CSMD1: variants seen among roughly 807,000 people sequenced by gnomAD.
CSMD1 encodes the protein CUB and Sushi multiple domains 1.
In CSMD1, 213 loss-of-function variants were observed where a neutral mutation model predicts 417.5. The observed-to-expected ratio is 0.51, with a 90% confidence interval of 0.46 to 0.57. The LOEUF is 0.57. Ranked by LOEUF, CSMD1 falls within the 20% of genes least tolerant of loss-of-function variation. The pLI is 0.00. For missense variants in CSMD1, 6,923 were observed against 4,529.7 expected (o/e 1.53, Z -15.17); for synonymous variants, 2,862 against 1,736.8 (o/e 1.65, Z -16.11).
chr8:3,355,013 T>C (rs773583859), intron 21 of CSMD1, among the ~76,000 whole-genome samples: 1 of 109,712 alleles, frequency 9.1e-6, no homozygotes, highest in Admixed American at 8.8e-5. Flanking sequence ...TAAATTAAAA[T>C]ACAGGCAAGA....
At chr8:3,991,863 A>G (rs1292338423) in intron 5 of CSMD1, among the ~76,000 whole-genome samples, 1 of 152,114 alleles carries the variant, frequency 6.6e-6, no homozygotes, top group Non-Finnish European at 1.5e-5. Context: ...TTTGAAGCCT[A>G]TTTTTCTCAT....
At chr8:4,388,902 C>G (rs1803652534) in intron 3 of CSMD1, among the ~76,000 whole-genome samples, 2 of 152,108 alleles carry the variant, frequency 1.3e-5, no homozygotes, top group African/African-American at 2.4e-5. Flanking sequence ...TTCTCTCATC[C>G]AGCTATTTGT....
At chr8:4,973,476 G>C (rs778570145) in intron 1 of CSMD1, among the ~76,000 whole-genome samples, 3 of 151,960 alleles carry the variant, frequency 2.0e-5, no homozygotes, top group Non-Finnish European at 4.4e-5. Flanking sequence ...ATTTTCATTT[G>C]ATAAAATAAA....
At chr8:4,768,781 C>T (rs1234109315) in intron 1 of CSMD1, among the ~76,000 whole-genome samples, 2 of 152,048 alleles carry the variant, frequency 1.3e-5, no homozygotes, top group African/African-American at 2.4e-5. Flanking sequence ...ATAGGCACAT[C>T]TTATGGGAAG....
chr8:4,230,196 G>T (rs1019190893), intron 3 of CSMD1, among the ~76,000 whole-genome samples: 3 of 152,130 alleles, frequency 2.0e-5, no homozygotes, highest in Non-Finnish European at 2.9e-5. Context: ...ATTATCTTAA[G>T]ATCTAGAGTT....
At chr8:4,211,155 T>C (rs534704640) in intron 3 of CSMD1, among the ~76,000 whole-genome samples, 127 of 152,254 alleles carry the variant, frequency 8.3e-4, no homozygotes, top group African/African-American at 2.9e-3. Flanking sequence ...CTAAATAATT[T>C]ATCCAGGAAA....
chr8:4,410,437 C>T (rs573047263), intron 3 of CSMD1, among the ~76,000 whole-genome samples: 91 of 152,236 alleles, frequency 6.0e-4, no homozygotes, highest in African/African-American at 1.9e-3. Context: ...GCATTTCTAG[C>T]GTCCAGATAG....
chr8:2,963,289 G>C lies in CSMD1; in HGVS notation c.9387C>G (p.Leu3129=), dbSNP rs372880190. 3.1e-6 allele frequency: 5 copies of C among 1,613,838 alleles called. No homozygotes were observed. In the African/African-American group the frequency reaches 4.0e-5, roughly 13 times the overall value. The part of the protein sequence containing the change: ...ISYSCMDGYQ[L]SHSAILSCEG... ...CACAGGAGAGGATGGCGGAGTGAGA[G>C]AGCTGGTAACCGTCCATGCAGCTGT... Residue 3129 remains leucine, a synonymous_variant, in exon 60 of 70, where the codon CTC becomes CTG. Coordinates refer to ENST00000635120, the MANE Select transcript of CSMD1 (RefSeq NM_033225.6).
chr8:3,536,264 T>C lies in CSMD1; in HGVS notation c.1344+38681A>G, dbSNP rs562249992. Among the ~76,000 whole-genome samples, 4 of 152,314 alleles carry C rather than the reference T, an allele frequency of 2.6e-5. No homozygotes were observed. In the East Asian group the frequency reaches 7.7e-4, roughly 29 times the overall value. ...TATAAATGAGCTGAGTTAATAAGTT[T>C]GTGTGTATGACAGCAACTTGTACTT... On this transcript the variant is annotated intron_variant, in intron 10 of 69. Transcript: ENST00000635120.
At chr8:4,867,832 CAG>C (rs1356955900) in intron 1 of CSMD1, among the ~76,000 whole-genome samples, 1 of 152,030 alleles carries the variant, frequency 6.6e-6, no homozygotes, top group South Asian at 2.1e-4. Context: ...CAACATTTAA[CAG>C]AGTGTAAATT....
At chr8:4,318,579 A>C (rs1345779365) in intron 3 of CSMD1, among the ~76,000 whole-genome samples, 1 of 152,114 alleles carries the variant, frequency 6.6e-6, no homozygotes, top group Non-Finnish European at 1.5e-5. Context: ...AAGAATAAAA[A>C]ACATGTTGAT....
At chr8:3,773,532 C>T (rs1798732168) in intron 5 of CSMD1, among the ~76,000 whole-genome samples, 2 of 152,132 alleles carry the variant, frequency 1.3e-5, no homozygotes, top group South Asian at 2.1e-4. Flanking sequence ...AGTGATCCTC[C>T]CACCTTGGCC....
chr8:4,151,352 G>C lies in CSMD1; in HGVS notation c.416-119253C>G, dbSNP rs185527468. On this transcript the variant is annotated intron_variant, in intron 3 of 69. Transcript: ENST00000635120. ...AAGAGATAAATCACTTATTTACAGT[G>C]AGACATTAACTACAATTCAGTTTCT... Among the ~76,000 whole-genome samples, 5 of 152,284 alleles carry C rather than the reference G, an allele frequency of 3.3e-5. No homozygotes were observed. The East Asian group carries it at 7.7e-4, about 24-fold the overall frequency.
intron 5 of CSMD1, among the ~76,000 whole-genome samples, chr8:3,811,527 C>T (rs1801077880): frequency 6.6e-6 from 1 of 152,038 alleles, no homozygotes; most frequent in Admixed American, 6.6e-5. Context: ...CCCTGGTGTT[C>T]CTTGACAATG....
At position 4,927,286 on chromosome 8, in the gene CSMD1, G is replaced by A. The variant is rs534732256; in HGVS notation, c.85+67046C>T. 8.6e-5 allele frequency among the ~76,000 whole-genome samples: 13 copies of A among 151,960 alleles called. No homozygotes were observed. In the South Asian group the frequency reaches 1.5e-3, roughly 17 times the overall value. ...TTGGCTAGGCTGGTCTCGAACTCCC[G>A]TCCTCAAGCGATCTGCCAGCCTCAG... On this transcript the variant is annotated intron_variant, in intron 1 of 69. Coordinates refer to ENST00000635120, the MANE Select transcript of CSMD1 (RefSeq NM_033225.6).
At chr8:2,997,989 C>G (rs201909915) in intron 54 of CSMD1, 22 bp downstream of exon 54, 90 of 1,607,532 alleles carry the variant, frequency 5.6e-5, no homozygotes, top group Non-Finnish European at 7.3e-5. Flanking sequence ...GCAAAGGGCT[C>G]ATTCCTGGAT....
chr8:3,366,956 ACC>A lies in CSMD1; in HGVS notation c.3115+74_3115+75del, dbSNP rs1809614398. On this transcript the variant is annotated intron_variant, in intron 20 of 69. Coordinates refer to ENST00000635120, the MANE Select transcript of CSMD1 (RefSeq NM_033225.6). ...ATGCACACATTACACACACACACAC[ACC>A]CACACACATTCTCACTAACAGAAAT... is the stretch of plus-strand genomic sequence containing the variant. 9.9e-6 allele frequency: 11 copies of A among 1,112,236 alleles called. No individual in the cohort carries two copies. The South Asian group carries it at 1.1e-4, about 11-fold the overall frequency. 68.9% of individuals were successfully genotyped at this position (1,112,236 alleles called of 1,614,324 possible).
intron 37 of CSMD1, among the ~76,000 whole-genome samples, chr8:3,174,295 A>T (rs1409776554): frequency 2.0e-5 from 3 of 152,198 alleles, no homozygotes; most frequent in Non-Finnish European, 2.9e-5. Flanking sequence ...GGAGTTGGAG[A>T]CTAGCCTGGG....
rs76761472 is a variant in CSMD1, at chr8:4,693,606, C to T, written c.86-56048G>A. Reference sequence around the variant, plus strand: ...GCAGAGTGGTATTGAGGTAAAACAACGGGATTTTTCTCCTTCCATTTTTTC... The same window carrying T: ...GCAGAGTGGTATTGAGGTAAAACAATGGGATTTTTCTCCTTCCATTTTTTC... On this transcript the variant is annotated intron_variant, in intron 1 of 69. Coordinates refer to ENST00000635120, the MANE Select transcript of CSMD1 (RefSeq NM_033225.6). Among the ~76,000 whole-genome samples the T allele has an allele frequency of 9.7e-3, 1,481 of 152,270 alleles. 19 individuals are homozygous for T. The highest frequency in any genetic ancestry group is 0.033 in the African/African-American group (1,355 of 41,554).
Sources: gnomAD v4.1 joint callset for allele counts (sites outside exome capture counted in the v4.1 genomes callset) on GRCh38, gnomAD v4.1.1 for gene constraint, MANE v1.5 for transcripts, NCBI Gene and HGNC (gene_info 2026-07-23, HGNC 2026-07-21) for gene names.